Variants in TJP1 observed in about 807,000 individuals in gnomAD.
TJP1 encodes the protein tight junction protein 1, also known as tight junction protein ZO-1.
TJP1 carries 43 observed loss-of-function variants against 194.2 expected under a neutral mutation model. The ratio of observed to expected loss-of-function variants is 0.22; its 90% confidence interval spans 0.17 to 0.29. The LOEUF (loss-of-function observed/expected upper bound fraction) is 0.29. TJP1 is among the 10% of genes least tolerant of loss of function. TJP1 has a pLI of 1.00. For synonymous variants in TJP1, 801 were observed against 779.0 expected (o/e 1.03, Z -0.47); for missense variants, 1,971 against 2,185.7 (o/e 0.90, Z 1.96).
At position 29,708,620 on chromosome 15, in the gene TJP1, C is replaced by T; in HGVS notation, c.4789G>A (p.Ala1597Thr). The change falls in exon 25 of 28, where the codon GCA (alanine) becomes ACA (threonine). Residue 1597 changes from alanine (A) to threonine (T), a missense_variant. Transcript: ENST00000614355. Reference sequence around the variant, plus strand: ...TTTATTTGATATTTAGGCTTCTCTGCATGGATAGAGAAAGTTTCAACTCCA... The same window carrying T: ...TTTATTTGATATTTAGGCTTCTCTGTATGGATAGAGAAAGTTTCAACTCCA... Reference protein sequence around the residue: ...DSGVETFSIHAEKPKYQINNI... With the variant: ...DSGVETFSIHTEKPKYQINNI... 2 of 1,614,150 alleles carry T rather than the reference C, an allele frequency of 1.2e-6. No homozygotes were observed. The highest frequency in any genetic ancestry group is 8.5e-7 in the Non-Finnish European group (1 of 1,179,994).
chr15:29,864,133 C>T (rs2052204672), intron 2 of TJP1, among the ~76,000 whole-genome samples: 2 of 151,274 alleles, frequency 1.3e-5, no homozygotes, highest in South Asian at 2.1e-4. Context: ...GTGGCTCACA[C>T]CTGTAATCTC....
At position 29,732,100 on chromosome 15, in the gene TJP1, C is replaced by T. The variant is rs181631356; in HGVS notation, c.2017+333G>A. The T allele has an allele frequency of 2.0e-4, 45 of 230,700 alleles. 1 individual carries two copies. The East Asian group carries it at 2.2e-3, about 11-fold the overall frequency. The allele number at this position is 230,700 out of a possible 1,614,324, so 14.3% of individuals were successfully genotyped here. On this transcript the variant is annotated intron_variant, in intron 15 of 27. Coordinates refer to ENST00000614355, the MANE Select transcript of TJP1 (RefSeq NM_001330239.4). ...GACTGAAGAAACTGGAAAGGATCCACGCAATGACCATCCAAGTCTCAGGCT... is the reference window on the plus strand; with the variant it reads ...GACTGAAGAAACTGGAAAGGATCCATGCAATGACCATCCAAGTCTCAGGCT...
In TJP1 at chr15:29,726,373, T is replaced by C; in HGVS notation, c.2412+6A>G. 6.2e-7 allele frequency: 1 copy of C among 1,612,498 alleles called. No individual in the cohort carries two copies. The highest frequency in any genetic ancestry group is 8.5e-7 in the Non-Finnish European group (1 of 1,178,600). ...CAAGTCAAAAAAGTAATAGGAAATGTCTTACCTTTCCCTCGGAAACCCATA... is the reference window on the plus strand; with the variant it reads ...CAAGTCAAAAAAGTAATAGGAAATGCCTTACCTTTCCCTCGGAAACCCATA... On this transcript the variant is annotated splice_donor_region_variant and intron_variant, in intron 18 of 27. Coordinates refer to ENST00000614355, the MANE Select transcript of TJP1 (RefSeq NM_001330239.4).
chr15:29,904,121 CA>C (rs2053726430), intron 2 of TJP1, among the ~76,000 whole-genome samples: 1 of 152,066 alleles, frequency 6.6e-6, no homozygotes, highest in Non-Finnish European at 1.5e-5. Context: ...GGACGGAGAC[CA>C]GGGGTGGGCA....
At chr15:29,913,496 T>C (rs575115670) in intron 2 of TJP1, among the ~76,000 whole-genome samples, 1 of 152,320 alleles carries the variant, frequency 6.6e-6, no homozygotes, top group South Asian at 2.1e-4. Flanking sequence ...AGGGGGTCTA[T>C]GGTTTTCATT....
rs536754408 is a variant in TJP1, at chr15:29,875,198, TCTA to T, written c.307-74499_307-74497del. Among the ~76,000 whole-genome samples, 186 of 152,304 alleles carry T rather than the reference TCTA, an allele frequency of 1.2e-3. 1 individual carries two copies. The highest frequency in any genetic ancestry group is 4.3e-3 in the African/African-American group (179 of 41,562). ...TCACTGGGGACTTCAAGCAAAACCT[TCTA>T]CTCTGTCCTGTTAGGTGTGCAGCCC... On this transcript the variant is annotated intron_variant, in intron 2 of 28. Coordinates refer to the TJP1 transcript ENST00000356107.
chr15:29,778,443 T>C (rs1488458480), intron 2 of TJP1, among the ~76,000 whole-genome samples: 1 of 152,092 alleles, frequency 6.6e-6, no homozygotes, highest in Admixed American at 6.6e-5. Flanking sequence ...TTCAAAAGGT[T>C]CAACTTTTCC....
intron 10 of TJP1, 89 bp from the exon 11 acceptor site, chr15:29,737,503 A>G: frequency 7.1e-7 from 1 of 1,409,814 alleles, no homozygotes; most frequent in East Asian, 2.3e-5. Flanking sequence ...TTCAGAATTA[A>G]ATAAAGAACC....
At chr15:29,731,909 T>A (rs1415051462) in intron 15 of TJP1, among the ~76,000 whole-genome samples, 1 of 152,202 alleles carries the variant, frequency 6.6e-6, no homozygotes, top group Non-Finnish European at 1.5e-5. Context: ...TTATTATAAA[T>A]GTCTGCAATA....
chr15:29,833,881 A>ATATATTTTTTTTTT (rs1555434000), intron 2 of TJP1, among the ~76,000 whole-genome samples: 1 of 12,616 alleles, frequency 7.9e-5, no homozygotes, highest in Non-Finnish European at 1.4e-4. Context: ...ATATATATAT[A>ATATATTTTTTTTTT]TTTTTTTTTT....
At chr15:29,793,965 C>G (rs1185970479) in intron 2 of TJP1, among the ~76,000 whole-genome samples, 1 of 152,042 alleles carries the variant, frequency 6.6e-6, no homozygotes, top group African/African-American at 2.4e-5. Context: ...GCGTCTTTGT[C>G]TGGTTTTGGT....
chr15:29,703,799 C>T (rs562219914), intron 27 of TJP1, among the ~76,000 whole-genome samples: 7 of 151,972 alleles, frequency 4.6e-5, no homozygotes, highest in Non-Finnish European at 8.8e-5. Flanking sequence ...TGTGCCACCA[C>T]GCCTGGCTAA....
intron 1 of TJP1, among the ~76,000 whole-genome samples, chr15:29,817,694 C>T (rs545685256): frequency 2.6e-5 from 4 of 152,178 alleles, no homozygotes; most frequent in African/African-American, 9.6e-5. Flanking sequence ...GGGACACGGA[C>T]GAAGCTGGAA....
At chr15:29,963,879 C>T (rs2056246306) in intron 1 of TJP1, among the ~76,000 whole-genome samples, 1 of 152,180 alleles carries the variant, frequency 6.6e-6, no homozygotes, top group Non-Finnish European at 1.5e-5. Context: ...GTCTCGATCT[C>T]TTGACCTTGT....
intron 2 of TJP1, chr15:29,956,197 G>T: frequency 8.5e-7 from 1 of 1,171,816 alleles, no homozygotes; most frequent in South Asian, 1.7e-5. Context: ...CATACTCTTT[G>T]GAAAAATGAG....
chr15:29,866,875 C>A (rs2052323440), intron 2 of TJP1, among the ~76,000 whole-genome samples: 1 of 152,164 alleles, frequency 6.6e-6, no homozygotes. Flanking sequence ...CCTGAGACAA[C>A]CAGGAAGACA....
chr15:29,819,097 G>A (rs1437669187), intron 1 of TJP1, among the ~76,000 whole-genome samples: 2 of 152,134 alleles, frequency 1.3e-5, no homozygotes, highest in African/African-American at 4.8e-5. Flanking sequence ...CATGCACGGA[G>A]GATTCTTTTC....
chr15:29,745,985 G>A (rs1306740579), intron 8 of TJP1, among the ~76,000 whole-genome samples: 3 of 152,190 alleles, frequency 2.0e-5, no homozygotes, highest in Non-Finnish European at 2.9e-5. Context: ...AGTGGAGTTG[G>A]TGGATTTGAT....
chr15:29,819,441 A>T (rs1192659490), intron 1 of TJP1, among the ~76,000 whole-genome samples: 1 of 152,202 alleles, frequency 6.6e-6, no homozygotes, highest in African/African-American at 2.4e-5. Flanking sequence ...GAATTAAATA[A>T]ATTGAGCACT....
Sources: allele counts gnomAD v4.1 joint callset (sites outside exome capture counted in the v4.1 genomes callset), GRCh38; gene constraint gnomAD v4.1.1; transcripts MANE v1.5; gene names NCBI Gene and HGNC (gene_info 2026-07-23, HGNC 2026-07-21).